The following MYO5A variants were observed in gnomAD, a reference collection of about 807,000 sequenced individuals.
MYO5A encodes unconventional myosin-Va.
In MYO5A, 98 loss-of-function variants were observed where a neutral mutation model predicts 249.7. The ratio of observed to expected loss-of-function variants is 0.39; its 90% confidence interval spans 0.33 to 0.46. The LOEUF is 0.46. Ranked by LOEUF, MYO5A falls within the 20% of genes least tolerant of loss-of-function variation. The pLI, the probability that MYO5A is intolerant of heterozygous loss-of-function variation, is 0.98. For synonymous variants in MYO5A, 778 were observed against 810.6 expected (o/e 0.96, Z 0.68); for missense variants, 1,696 against 2,308.8 (o/e 0.73, Z 5.44).
At chr15:52,441,891 T>C (rs961080949) in intron 1 of MYO5A, among the ~76,000 whole-genome samples, 2 of 152,336 alleles carry the variant, frequency 1.3e-5, no homozygotes, top group African/African-American at 4.8e-5. Flanking sequence ...AAAAAACTTT[T>C]GTTATATGAG....
intron 1 of MYO5A, among the ~76,000 whole-genome samples, chr15:52,441,741 T>C (rs1175584303): frequency 6.6e-6 from 1 of 152,238 alleles, no homozygotes; most frequent in Non-Finnish European, 1.5e-5. Context: ...TATTACCTTA[T>C]ACGATCTTCT....
intron 1 of MYO5A, among the ~76,000 whole-genome samples, chr15:52,434,969 G>C (rs1273176645): frequency 6.6e-6 from 1 of 152,178 alleles, no homozygotes; most frequent in Non-Finnish European, 1.5e-5. Context: ...AATTTACTTG[G>C]AGCTTTGAGA....
chr15:52,390,543 CCT>C (rs1165010549), intron 12 of MYO5A, among the ~76,000 whole-genome samples: 1 of 150,748 alleles, frequency 6.6e-6, no homozygotes, highest in Non-Finnish European at 1.5e-5. Context: ...ATTATTTCTC[CCT>C]CTCTTTTTTT....
chr15:52,413,915 A>G (rs1164829088), intron 5 of MYO5A, among the ~76,000 whole-genome samples: 1 of 152,154 alleles, frequency 6.6e-6, no homozygotes, highest in Non-Finnish European at 1.5e-5. Context: ...CATATTCTTT[A>G]TAATTGCATA....
At chr15:52,354,672 G>A (rs973894988) in intron 25 of MYO5A, among the ~76,000 whole-genome samples, 5 of 152,044 alleles carry the variant, frequency 3.3e-5, no homozygotes, top group East Asian at 1.9e-4. Context: ...TGACCAACAC[G>A]GTGAAACCCC....
intron 1 of MYO5A, chr15:52,505,897 C>T: frequency 6.5e-7 from 1 of 1,541,762 alleles, no homozygotes; most frequent in Non-Finnish European, 8.6e-7. Flanking sequence ...TAAATAAAAG[C>T]TTGAAAGATT....
intron 1 of MYO5A, among the ~76,000 whole-genome samples, chr15:52,528,447 G>A (rs1003843297): frequency 5.9e-5 from 9 of 152,236 alleles, no homozygotes; most frequent in African/African-American, 2.2e-4. Flanking sequence ...ATTTTCCAAA[G>A]CCAAGCAGGA....
intron 4 of MYO5A, among the ~76,000 whole-genome samples, chr15:52,420,123 T>C (rs140671184): frequency 6.6e-6 from 1 of 152,084 alleles, no homozygotes; most frequent in African/African-American, 2.4e-5. Flanking sequence ...CTGGGCAACA[T>C]AGTGAGATTC....
At chr15:52,386,885 C>G (rs1232952666) in intron 14 of MYO5A, among the ~76,000 whole-genome samples, 1 of 152,088 alleles carries the variant, frequency 6.6e-6, no homozygotes, top group Non-Finnish European at 1.5e-5. Flanking sequence ...GGGATTTGGT[C>G]TTCATGTAAT....
chr15:52,375,790 C>T (rs2041380211), intron 19 of MYO5A, among the ~76,000 whole-genome samples: 1 of 152,214 alleles, frequency 6.6e-6, no homozygotes, highest in Non-Finnish European at 1.5e-5. Flanking sequence ...CCAGGCCATG[C>T]CTCTTTATAG....
At chr15:52,445,132 A>G (rs1223965379) in intron 1 of MYO5A, among the ~76,000 whole-genome samples, 2 of 152,178 alleles carry the variant, frequency 1.3e-5, no homozygotes, top group African/African-American at 2.4e-5. Context: ...GTAATCCCCA[A>G]TGCTGGAGGT....
chr15:52,497,405 T>G (rs2077059076), intron 1 of MYO5A, among the ~76,000 whole-genome samples: 1 of 131,156 alleles, frequency 7.6e-6, no homozygotes, highest in Admixed American at 9.6e-5. Flanking sequence ...TGTCCTGAAA[T>G]AGCTTAAATA....
intron 40 of MYO5A, among the ~76,000 whole-genome samples, chr15:52,314,645 C>T (rs187191090): frequency 4.6e-5 from 7 of 151,880 alleles, no homozygotes; most frequent in Admixed American, 1.3e-4. Flanking sequence ...AAATGTTAGC[C>T]GTATTAATAC....
At chr15:52,390,560 C>CTTTTTTTTTT (rs548075503) in intron 12 of MYO5A, among the ~76,000 whole-genome samples, 1 of 121,994 alleles carries the variant, frequency 8.2e-6, no homozygotes, top group African/African-American at 3.1e-5. Flanking sequence ...TTTTTTTTTT[C>CTTTTTTTTTT]TTTTTTTTTT....
intron 1 of MYO5A, among the ~76,000 whole-genome samples, chr15:52,489,528 C>A (rs1193261759): frequency 2.0e-5 from 3 of 150,064 alleles, no homozygotes; most frequent in Admixed American, 6.6e-5. Flanking sequence ...CGTGCCAGGG[C>A]ACTCCAGCCT....
chr15:52,482,967 T>A (rs2076745223), intron 1 of MYO5A, among the ~76,000 whole-genome samples: 1 of 152,054 alleles, frequency 6.6e-6, no homozygotes, highest in African/African-American at 2.4e-5. Context: ...GGCACACATA[T>A]GAATACAGAG....
intron 1 of MYO5A, among the ~76,000 whole-genome samples, chr15:52,476,421 T>C (rs567480216): frequency 6.6e-6 from 1 of 152,340 alleles, no homozygotes; most frequent in East Asian, 1.9e-4. Context: ...ATGGGTGAAT[T>C]TGATCCTGTC....
intron 20 of MYO5A, 133 bp downstream of exon 20, chr15:52,375,171 A>C: frequency 2.2e-6 from 2 of 894,740 alleles, no homozygotes; most frequent in Non-Finnish European, 3.4e-6. Context: ...AAAATAAATA[A>C]ATATGCATTT....
chr15:52,323,426 C>T lies in MYO5A; in HGVS notation c.4729G>A (p.Glu1577Lys), dbSNP rs1375544782. 2.5e-6 allele frequency: 4 copies of T among 1,613,224 alleles called. No individual in the cohort carries two copies. Among genetic ancestry groups the T allele is most frequent in the Non-Finnish European group, 3.4e-6 (4 of 1,179,324 alleles). The change falls in exon 37 of 42, where the codon GAA (glutamate) becomes AAA (lysine). Residue 1577 changes from glutamate to lysine, a missense_variant. This residue lies in a region of MYO5A where 625 missense variants were observed against 908.1 expected (regional missense o/e 0.69). Coordinates refer to ENST00000399233, the MANE Select transcript of MYO5A (RefSeq NM_001382347.1). ...TTAGAGAGCCAGAAGGAGACGGTTT[C>T]AAAATCATCACCTCTTTTCTGAAAG... ...KVLKKRGDDF[E>K]TVSFWLSNTC... is the part of the protein sequence containing the mutation.
Sources: allele counts gnomAD v4.1 joint callset (sites outside exome capture counted in the v4.1 genomes callset), GRCh38; gene constraint gnomAD v4.1.1; regional missense constraint gnomAD v4.1.1; transcripts MANE v1.5; gene names NCBI Gene and HGNC (gene_info 2026-07-23, HGNC 2026-07-21).